The following DIP2A variants were observed in gnomAD, a reference collection of about 807,000 sequenced individuals.
The protein encoded by DIP2A is disco-interacting protein 2 homolog A.
Under a neutral mutation model 177.4 loss-of-function variants are expected in DIP2A, and 85 were observed. The ratio of observed to expected loss-of-function variants is 0.48; its 90% CI spans 0.40 to 0.57. DIP2A has a LOEUF of 0.57. DIP2A is among the 20% of genes least tolerant of loss of function. DIP2A has a pLI of 0.00. For missense variants in DIP2A, 1,791 were observed against 2,100.2 expected, an observed-to-expected ratio of 0.85 and a Z score of 2.88; for synonymous variants, 886 against 881.8, an observed-to-expected ratio of 1.00 and a Z score of -0.08.
rs746984659 is a variant in DIP2A, at chr21:46,567,661, C to A, written c.*39C>A. ...GCCCAGGTGCCGGAGATGAATGAGC[C>A]CCAGCAGTCCAAGGTGTGATGTGGG... On this transcript the variant is annotated 3_prime_UTR_variant, in exon 38 of 38. Coordinates refer to ENST00000417564, the MANE Select transcript of DIP2A (RefSeq NM_015151.4). 15 of 1,550,932 alleles carry A rather than the reference C, an allele frequency of 9.7e-6. No homozygotes were observed. The highest frequency in any genetic ancestry group is 1.3e-5 in the Non-Finnish European group (15 of 1,147,006).
the DIP2A span, among the ~76,000 whole-genome samples, chr21:46,576,873 T>C: frequency 6.6e-6 from 1 of 152,242 alleles, no homozygotes; most frequent in Non-Finnish European, 1.5e-5. Flanking sequence ...ATTTCTCTAA[T>C]GATCAGCGAT....
chr21:46,464,026 A>T (rs923644037), intron 1 of DIP2A, among the ~76,000 whole-genome samples: 4 of 151,682 alleles, frequency 2.6e-5, no homozygotes, highest in African/African-American at 9.7e-5. Context: ...TTAATTTTCA[A>T]AATGACAGCC....
At chr21:46,548,181 C>CGCGT (rs1555909586) in intron 21 of DIP2A, among the ~76,000 whole-genome samples, 2 of 147,586 alleles carry the variant, frequency 1.4e-5, no homozygotes, top group East Asian at 2.0e-4. Flanking sequence ...TGCATGTGTG[C>CGCGT]GTGTGTGTGT....
Position 46,537,437 on chromosome 21 carries a change from C to G in DIP2A, c.1708-9C>G, listed in dbSNP as rs376822634. 1 of 1,613,844 alleles carries G rather than the reference C, an allele frequency of 6.2e-7. No individual in the cohort carries two copies. Among genetic ancestry groups the G allele is most frequent in the Non-Finnish European group, 8.5e-7 (1 of 1,179,816 alleles). On this transcript the variant is annotated splice_polypyrimidine_tract_variant and intron_variant, in intron 14 of 37. Transcript: ENST00000417564. This position sits in a 1 kb window ranked among gnomAD's most constrained non-coding sequence, Gnocchi z 4.1. Reference sequence around the variant, plus strand: ...CCCACTCGCCCTAAGCATGTGTGCTCCCCCACAGAGCGTCATGAACAGGAT... The same window carrying G: ...CCCACTCGCCCTAAGCATGTGTGCTGCCCCACAGAGCGTCATGAACAGGAT...
Position 46,567,480 on chromosome 21 carries a change from A to G in DIP2A, c.4574A>G (p.His1525Arg). Residue 1525 changes from histidine (H) to arginine (R), a missense_variant, in exon 38 of 38, where the codon CAC becomes CGC. By Grantham distance (29) the His-to-Arg change is conservative. Coordinates refer to ENST00000417564, the MANE Select transcript of DIP2A (RefSeq NM_015151.4). Reference protein sequence around the residue: ...ALVTNVVLEEHYLVVGVVVIV... With the variant: ...ALVTNVVLEERYLVVGVVVIV... ...GTGACCAACGTGGTGCTGGAGGAGC[A>G]CTACCTGGTCGTGGGAGTGGTGGTC... 1 of 1,613,920 alleles carries G rather than the reference A, an allele frequency of 6.2e-7. No individual in the cohort carries two copies. The highest frequency in any genetic ancestry group is 8.5e-7 in the Non-Finnish European group (1 of 1,179,886).
intron 10 of DIP2A, among the ~76,000 whole-genome samples, chr21:46,533,273 C>G (rs902373946): frequency 2.0e-5 from 3 of 152,158 alleles, no homozygotes; most frequent in Admixed American, 2.0e-4. Context: ...GAGAAATTAG[C>G]CCATTAAACT....
chr21:46,498,740 G>C lies in DIP2A; in HGVS notation c.562G>C (p.Gly188Arg), dbSNP rs1391076171. ...TGCATCCTCCACCTCATCTCACCCG[G>C]GAGGGAGACCCACCACTGCTCCCAG... Reference protein sequence around the residue: ...SSASSTSSHPGGRPTTAPSAA... With the variant: ...SSASSTSSHPRGRPTTAPSAA... The change falls in exon 5 of 38, where the codon GGA becomes CGA. Residue 188 changes from glycine (G) to arginine (R), a missense_variant. By Grantham distance (125) the Gly-to-Arg change is moderately radical (BLOSUM62 -2). Transcript: ENST00000417564. This position sits in a 1 kb window ranked among gnomAD's most constrained non-coding sequence, Gnocchi z 4.3. 1 of 1,613,736 alleles carries C rather than the reference G, an allele frequency of 6.2e-7. No individual in the cohort carries two copies. Among genetic ancestry groups the C allele is most frequent in the Non-Finnish European group, 8.5e-7 (1 of 1,179,892 alleles).
intron 26 of DIP2A, 122 bp from the exon 27 acceptor site, chr21:46,554,453 A>G: frequency 6.5e-7 from 1 of 1,539,452 alleles, no homozygotes; most frequent in Non-Finnish European, 8.8e-7. Flanking sequence ...CCCTGTGGAA[A>G]CCCAGGAGTC....
At chr21:46,494,835 G>A (rs773136213) in intron 3 of DIP2A, among the ~76,000 whole-genome samples, 8 of 152,046 alleles carry the variant, frequency 5.3e-5, no homozygotes, top group Non-Finnish European at 7.3e-5. Context: ...AAATTGGCTC[G>A]AGTTGTTTGA....
chr21:46,552,295 A>G (rs1316795027), intron 25 of DIP2A, among the ~76,000 whole-genome samples: 1 of 152,170 alleles, frequency 6.6e-6, no homozygotes. Flanking sequence ...GCCATTTAGA[A>G]TTTCTACATT....
intron 1 of DIP2A, among the ~76,000 whole-genome samples, chr21:46,468,826 G>A (rs1447274945): frequency 6.6e-6 from 1 of 152,054 alleles, no homozygotes; most frequent in African/African-American, 2.4e-5. Context: ...AAATATGCAC[G>A]AGTTCTTATA....
intron 8 of DIP2A, among the ~76,000 whole-genome samples, chr21:46,513,658 G>C (rs1468291115): frequency 6.6e-6 from 1 of 152,050 alleles, no homozygotes; most frequent in African/African-American, 2.4e-5. Context: ...AATTTGAGTA[G>C]AATTAATGTT....
In DIP2A at chr21:46,498,621, G is replaced by A. The variant is rs977935511; in HGVS notation, c.443G>A (p.Arg148Gln). 11 of 1,612,552 alleles carry A rather than the reference G, an allele frequency of 6.8e-6. No individual in the cohort carries two copies. Among genetic ancestry groups the A allele is most frequent in the Admixed American group, 3.3e-5 (2 of 59,986 alleles). Reference protein sequence around the residue: ...SASEDEGSLRRPGRLTSTPLQ... With the variant: ...SASEDEGSLRQPGRLTSTPLQ... ...TCAGAAGATGAGGGCTCTTTACGGC[G>A]ACCCGGGCGACTCACCTCCACTCCG... The change falls in exon 5 of 38, where the codon CGA (arginine) becomes CAA (glutamine). Residue 148 changes from arginine to glutamine, a missense_variant. Physicochemically the swap from Arg to Gln is conservative, Grantham distance 43. Transcript: ENST00000417564. This position sits in a 1 kb window ranked among gnomAD's most constrained non-coding sequence, Gnocchi z 4.3.
At chr21:46,521,557 G>A (rs185036346) in intron 8 of DIP2A, among the ~76,000 whole-genome samples, 1 of 152,276 alleles carries the variant, frequency 6.6e-6, no homozygotes, top group East Asian at 1.9e-4. Context: ...CATTGCATTA[G>A]CGCATTATTG....
At chr21:46,473,602 G>A (rs142241583) in intron 1 of DIP2A, among the ~76,000 whole-genome samples, 19 of 152,142 alleles carry the variant, frequency 1.2e-4, no homozygotes, top group African/African-American at 3.1e-4. Flanking sequence ...TGCAACCTCC[G>A]CCTCCTGGGT....
intron 8 of DIP2A, among the ~76,000 whole-genome samples, chr21:46,522,725 C>G (rs1484121697): frequency 6.6e-6 from 1 of 152,156 alleles, no homozygotes; most frequent in African/African-American, 2.4e-5. Flanking sequence ...CACAGTGCTG[C>G]AAAACAGAGC....
chr21:46,546,050 C>T, intron 20 of DIP2A, 89 bp downstream of exon 20: 2 of 1,593,702 alleles, frequency 1.3e-6, no homozygotes. Context: ...CACCCTTGTC[C>T]TGGCCGTTCC....
chr21:46,530,086 TGTC>T (rs1247357668), intron 9 of DIP2A, among the ~76,000 whole-genome samples: 1 of 152,250 alleles, frequency 6.6e-6, no homozygotes, highest in African/African-American at 2.4e-5. Flanking sequence ...AGAACATTTC[TGTC>T]ATCATAGAAA....
intron 5 of DIP2A, among the ~76,000 whole-genome samples, chr21:46,503,914 C>T (rs1201762836): frequency 2.6e-5 from 4 of 152,208 alleles, no homozygotes; most frequent in Non-Finnish European, 2.9e-5. Flanking sequence ...TTAGTAGAGA[C>T]GGGGTTTCGC....
Sources: allele counts gnomAD v4.1 joint callset (sites outside exome capture counted in the v4.1 genomes callset), GRCh38; gene constraint gnomAD v4.1.1; non-coding constraint Gnocchi (gnomAD v3.1); transcripts MANE v1.5; gene names NCBI Gene and HGNC (gene_info 2026-07-23, HGNC 2026-07-21).